The following FHOD3 variants were observed in gnomAD, a reference collection of about 807,000 sequenced individuals.
FHOD3 encodes the protein formin homology 2 domain containing 3.
FHOD3 carries 90 observed loss-of-function variants against 173.0 expected under a neutral mutation model. That is an observed-to-expected ratio of 0.52 (90% CI 0.44 to 0.62). FHOD3 has a LOEUF of 0.62. FHOD3 is among the 20% of genes least tolerant of loss of function. The probability of loss-of-function intolerance (pLI) is 0.00; values close to 1 mark genes in which losing one functional copy is unlikely to be tolerated. For synonymous variants in FHOD3, 828 were observed against 823.0 expected, an observed-to-expected ratio of 1.01 and a Z score of -0.10; for missense variants, 1,945 against 2,034.7, an observed-to-expected ratio of 0.96 and a Z score of 0.85.
chr18:36,744,322 A>G, intron 23 of FHOD3, 129 bp downstream of exon 23: 3 of 881,914 alleles, frequency 3.4e-6, no homozygotes, highest in Non-Finnish European at 5.1e-6. Flanking sequence ...TCTGCTCTGG[A>G]GTTTATGAAT....
chr18:36,460,563 A>G (rs2052490011), intron 3 of FHOD3, among the ~76,000 whole-genome samples: 1 of 152,184 alleles, frequency 6.6e-6, no homozygotes, highest in Non-Finnish European at 1.5e-5. Flanking sequence ...GCTGTGCAAC[A>G]CACTGCATGG....
intron 1 of FHOD3, among the ~76,000 whole-genome samples, chr18:36,323,854 A>T (rs1191811212): frequency 6.6e-6 from 1 of 152,250 alleles, no homozygotes; most frequent in African/African-American, 2.4e-5. Context: ...GACCAATCCT[A>T]CTTCTGAAAA....
intron 24 of FHOD3, among the ~76,000 whole-genome samples, chr18:36,752,091 C>T (rs138053672): frequency 2.6e-4 from 40 of 152,220 alleles, no homozygotes; most frequent in African/African-American, 8.7e-4. Flanking sequence ...CCAAGCAAAG[C>T]GGGAAAGCCC....
intron 9 of FHOD3, among the ~76,000 whole-genome samples, chr18:36,623,084 C>A (rs1335325995): frequency 6.6e-6 from 1 of 152,224 alleles, no homozygotes; most frequent in Non-Finnish European, 1.5e-5. Flanking sequence ...AAAGCCCTAA[C>A]TGCATGCCAT....
chr18:36,511,432 T>G (rs2055644639), intron 4 of FHOD3, among the ~76,000 whole-genome samples: 1 of 151,988 alleles, frequency 6.6e-6, no homozygotes, highest in South Asian at 2.1e-4. Flanking sequence ...AAGCTACCAT[T>G]AAATCAGTGG....
chr18:36,374,368 T>C (rs571340098), intron 3 of FHOD3, among the ~76,000 whole-genome samples: 1 of 152,302 alleles, frequency 6.6e-6, no homozygotes, highest in African/African-American at 2.4e-5. Flanking sequence ...GACCTGGGGT[T>C]TATGGAGTCA....
chr18:36,609,905 C>T (rs2032494290), intron 8 of FHOD3, among the ~76,000 whole-genome samples: 1 of 152,216 alleles, frequency 6.6e-6, no homozygotes, highest in Non-Finnish European at 1.5e-5. Flanking sequence ...AGCCACTGTG[C>T]CTGGCCCCTG....
intron 5 of FHOD3, among the ~76,000 whole-genome samples, chr18:36,558,620 A>G (rs1196086414): frequency 6.6e-6 from 1 of 152,218 alleles, no homozygotes; most frequent in Admixed American, 6.5e-5. Flanking sequence ...AACATTCTGT[A>G]CAGCATTATT....
intron 1 of FHOD3, among the ~76,000 whole-genome samples, chr18:36,336,133 A>G (rs1338131865): frequency 6.6e-6 from 1 of 152,132 alleles, no homozygotes; most frequent in Non-Finnish European, 1.5e-5. Flanking sequence ...AAGAAACTGC[A>G]TGTTTAGGCA....
chr18:36,603,385 TGG>T (rs2036536793), intron 8 of FHOD3, among the ~76,000 whole-genome samples: 1 of 152,106 alleles, frequency 6.6e-6, no homozygotes, highest in South Asian at 2.1e-4. Context: ...TGAAGGCCTG[TGG>T]GTGCCTGCGT....
rs551679719 is a variant in FHOD3, at chr18:36,524,049, T to G, written c.511+11506T>G. ...TAATCCCAGCACTTTGGGAGGCCGA[T>G]GGCTGGCAGATCACTTGAGGTCAGG... is the stretch of plus-strand genomic sequence containing the variant. On this transcript the variant is annotated intron_variant, in intron 5 of 28. Coordinates refer to ENST00000590592, the MANE Select transcript of FHOD3 (RefSeq NM_001281740.3). Among the ~76,000 whole-genome samples the G allele has an allele frequency of 6.6e-5, 10 of 152,184 alleles. No individual in the cohort carries two copies. The East Asian group carries it at 1.9e-3, about 30-fold the overall frequency.
chr18:36,584,662 T>A (rs1400117101), intron 6 of FHOD3, among the ~76,000 whole-genome samples: 3 of 152,166 alleles, frequency 2.0e-5, no homozygotes, highest in African/African-American at 7.2e-5. Context: ...AGAAAAAATA[T>A]GGCAACTGGG....
intron 18 of FHOD3, among the ~76,000 whole-genome samples, chr18:36,711,789 C>T (rs2040186004): frequency 6.6e-6 from 1 of 152,212 alleles, no homozygotes; most frequent in African/African-American, 2.4e-5. Context: ...ACTTATTCCC[C>T]TAGCCAAAGG....
intron 15 of FHOD3, among the ~76,000 whole-genome samples, chr18:36,682,593 T>C (rs1025375577): frequency 2.0e-5 from 3 of 152,196 alleles, no homozygotes; most frequent in Non-Finnish European, 4.4e-5. Flanking sequence ...TGTTTTGTTT[T>C]GTTTTTTGAG....
chr18:36,464,832 C>T (rs1321396738), intron 3 of FHOD3, among the ~76,000 whole-genome samples: 1 of 152,038 alleles, frequency 6.6e-6, no homozygotes, highest in Non-Finnish European at 1.5e-5. Flanking sequence ...TGCTCCCACC[C>T]TCTGTCTCTC....
At chr18:36,548,476 G>C (rs1479582365) in intron 5 of FHOD3, among the ~76,000 whole-genome samples, 1 of 152,124 alleles carries the variant, frequency 6.6e-6, no homozygotes, top group African/African-American at 2.4e-5. Context: ...ATAAAATCTT[G>C]ATATGTTTGG....
At chr18:36,628,042 C>G (rs2034241824) in intron 10 of FHOD3, among the ~76,000 whole-genome samples, 1 of 152,136 alleles carries the variant, frequency 6.6e-6, no homozygotes, top group Admixed American at 6.5e-5. Flanking sequence ...AACTCAGTCA[C>G]CCAAGTGATG....
chr18:36,625,733 C>T lies in FHOD3; in HGVS notation c.1180C>T (p.Arg394Ter), dbSNP rs376015995. The change falls in exon 10 of 29, where the codon CGA becomes TGA. Residue 394 changes from arginine (R) to a stop codon, truncating the protein, a stop_gained. Transcript: ENST00000590592. LOFTEE classifies it high-confidence loss of function. ...TCCCAGCTTCAAGCCCAACCAAGTG[C>T]GAGATCTGCGTGAAAAGTAAGCATT... Reference protein sequence around the residue: ...SAPSFKPNQVRDLREKEEEEE... With the variant: ...SAPSFKPNQV 6.2e-7 allele frequency: 1 copy of T among 1,607,632 alleles called. No homozygotes were observed. The highest frequency in any genetic ancestry group is 8.5e-7 in the Non-Finnish European group (1 of 1,176,146).
At chr18:36,371,973 C>T (rs151295681) in intron 2 of FHOD3, among the ~76,000 whole-genome samples, 431 of 150,378 alleles carry the variant, frequency 2.9e-3, no homozygotes, top group Admixed American at 4.3e-3. Flanking sequence ...GTTTTCTCCC[C>T]TTTATCTCCT....
Sources: gnomAD v4.1 joint callset for allele counts (sites outside exome capture counted in the v4.1 genomes callset) on GRCh38, gnomAD v4.1.1 for gene constraint, MANE v1.5 for transcripts, NCBI Gene and HGNC (gene_info 2026-07-23, HGNC 2026-07-21) for gene names.